PRG3: variants seen among roughly 807,000 people sequenced by gnomAD.
PRG3 encodes proteoglycan 3.
Under a neutral mutation model 26.1 loss-of-function variants are expected in PRG3, and 25 were observed. That is an observed-to-expected ratio of 0.96 (90% confidence interval 0.70 to 1.34). PRG3 has a LOEUF of 1.34. PRG3 is among the 40% of genes most tolerant of loss of function. The probability of loss-of-function intolerance (pLI) is 0.00; values close to 1 mark genes in which losing one functional copy is unlikely to be tolerated. For synonymous variants in PRG3, 111 were observed against 100.4 expected, an observed-to-expected ratio of 1.11 and a Z score of -0.63; for missense variants, 280 against 264.8, an observed-to-expected ratio of 1.06 and a Z score of -0.40.
At position 57,376,852 on chromosome 11, in the gene PRG3, A is replaced by T. The variant is rs1856950032; in HGVS notation, c.676T>A (p.Ter226LysextTer?). ...GGCAGGGTCTCCGTGCCGCTGGCTT[A>T]GAAGGAGCAGACGAAGGGCAGTTGC... The part of the protein sequence containing the change: ...DKQLPFVCSF[*>K] The change falls in exon 6 of 6, where the codon TAA (stop) becomes AAA (lysine). Residue 226 changes from the stop codon to lysine (K), a stop_lost. Transcript: ENST00000287143. The T allele has an allele frequency of 1.9e-6, 3 of 1,612,518 alleles. No homozygotes were observed. In the South Asian group the frequency reaches 3.3e-5, roughly 18 times the overall value.
intron 2 of PRG3, among the ~76,000 whole-genome samples, chr11:57,380,402 A>G (rs1227153596): frequency 9.5e-6 from 1 of 105,460 alleles, no homozygotes; most frequent in Non-Finnish European, 1.9e-5. Flanking sequence ...TCCGTCTCAA[A>G]ACAAAACAAA....
In PRG3 at chr11:57,379,621, G is replaced by A. The variant is rs1326228019; in HGVS notation, c.248C>T (p.Pro83Leu). ...CTGGAAGTCCTTGTCTAAGGCAGCT[G>A]GGTCCGACTCCATGGCTTCCTCATC... is the stretch of plus-strand genomic sequence containing the variant. ...FEDEEAMESDPAALDKDFQCP... is the reference protein window; with the variant it reads ...FEDEEAMESDLAALDKDFQCP... The change falls in exon 3 of 6, where the codon CCA becomes CTA. Residue 83 changes from proline (P) to leucine (L), a missense_variant. Transcript: ENST00000287143. 6.2e-7 allele frequency: 1 copy of A among 1,613,966 alleles called. No homozygotes were observed. Among genetic ancestry groups the A allele is most frequent in the South Asian group, 1.1e-5 (1 of 91,072 alleles).
chr11:57,379,830 C>T (rs779849802), intron 2 of PRG3, 23 bp from the exon 3 acceptor site: 5 of 1,583,672 alleles, frequency 3.2e-6, no homozygotes, highest in Non-Finnish European at 2.6e-6. Context: ...GGTAACCTGC[C>T]ATCAGGTCAA....
chr11:57,380,802 A>G, intron 1 of PRG3, 21 bp from the exon 2 acceptor site: 1 of 862,540 alleles, frequency 1.2e-6, no homozygotes, highest in Non-Finnish European at 1.7e-6. Flanking sequence ...GTATAGAGGG[A>G]ATATTTGTTT....
intron 2 of PRG3, among the ~76,000 whole-genome samples, chr11:57,380,127 T>C (rs921000801): frequency 1.3e-5 from 2 of 151,912 alleles, no homozygotes; most frequent in Non-Finnish European, 2.9e-5. Flanking sequence ...GTTTGCCGGG[T>C]GCGGTGGCTC....
At position 57,378,814 on chromosome 11, in the gene PRG3, T is replaced by C; in HGVS notation, c.376-2A>G. On this transcript the variant is annotated splice_acceptor_variant, in intron 3 of 5. Transcript: ENST00000287143. LOFTEE classifies it high-confidence loss of function. The stretch of plus-strand genomic sequence containing the variant: ...TCCGTAGCATCTGCTGCAGACATTC[T>C]GCAGACGGAAACAAAGTAGAGAATT... The C allele has an allele frequency of 6.2e-7, 1 of 1,613,560 alleles. No homozygotes were observed. The highest frequency in any genetic ancestry group is 8.5e-7 in the Non-Finnish European group (1 of 1,179,840).
chr11:57,378,233 T>A (rs1039009922), intron 4 of PRG3, among the ~76,000 whole-genome samples: 8 of 152,024 alleles, frequency 5.3e-5, no homozygotes, highest in Non-Finnish European at 1.0e-4. Flanking sequence ...AGAACCACCC[T>A]GAGAGAAGAA....
Position 57,378,792 on chromosome 11 carries a change from G to A in PRG3, c.396C>T (p.Tyr132=), listed in dbSNP as rs371458125. The change falls in exon 4 of 6, where the codon TAC becomes TAT. Residue 132 remains tyrosine, a synonymous_variant. Transcript: ENST00000287143. ...AEAQNVCSRC[Y]GGNLVSIHDF... ...CATGGATAGAGACAAGGTTGCCTCC[G>A]TAGCATCTGCTGCAGACATTCTGCA... The A allele has an allele frequency of 2.0e-5, 32 of 1,613,730 alleles. No individual in the cohort carries two copies. Among genetic ancestry groups the A allele is most frequent in the African/African-American group, 4.0e-5 (3 of 75,044 alleles).
At chr11:57,380,619 A>G (rs1856990480) in intron 2 of PRG3, 29 bp downstream of exon 2, 2 of 1,533,508 alleles carry the variant, frequency 1.3e-6, no homozygotes, top group African/African-American at 1.4e-5. Context: ...AAAGGGAAAG[A>G]CGCATGAGGA....
intron 4 of PRG3, 81 bp from the exon 5 acceptor site, chr11:57,377,917 C>A: frequency 8.5e-7 from 1 of 1,177,956 alleles, no homozygotes; most frequent in South Asian, 1.3e-5. Context: ...ACTTCTCTCA[C>A]TGCCTACCTG....
rs1282408574 is a variant in PRG3 at position 57,380,423 on chromosome 11, A to C, written c.61+225T>G. ...TCAAAACAAAACAAAAAACAAACAA[A>C]AAAAAAAACAAAAACAACAACAACA... On this transcript the variant is annotated intron_variant, in intron 2 of 5. Coordinates refer to ENST00000287143, the MANE Select transcript of PRG3 (RefSeq NM_006093.4). 3.1e-3 allele frequency among the ~76,000 whole-genome samples: 463 copies of C among 150,676 alleles called. 3 individuals carry two copies. Among genetic ancestry groups the C allele is most frequent in the Non-Finnish European group, 4.8e-3 (325 of 67,752 alleles).
At position 57,379,680 on chromosome 11, in the gene PRG3, C is replaced by T; in HGVS notation, c.189G>A (p.Glu63=). The change falls in exon 3 of 6, where the codon GAG becomes GAA. Residue 63 remains glutamate (E), a synonymous_variant. Transcript: ENST00000287143. ...TGTCTTGACAGGCAGAAGCCTTGACCTCCTCTCCCTCTGCCTGAATCACCT... is the reference window on the plus strand; with the variant it reads ...TGTCTTGACAGGCAGAAGCCTTGACTTCCTCTCCCTCTGCCTGAATCACCT... ...TEEVIQAEGE[E]VKASACQDNF... is the part of the protein sequence containing the mutation. The T allele has an allele frequency of 6.2e-7, 1 of 1,613,962 alleles. No homozygotes were observed. The highest frequency in any genetic ancestry group is 1.1e-5 in the South Asian group (1 of 91,078).
At position 57,379,709 on chromosome 11, in the gene PRG3, C is replaced by T. The variant is rs370215485; in HGVS notation, c.160G>A (p.Glu54Lys). ...TCTCCCTCTGCCTGAATCACCTCCTCCGTCAGAGCCAAGTCTCTCTCCTGC... is the reference window on the plus strand; with the variant it reads ...TCTCCCTCTGCCTGAATCACCTCCTTCGTCAGAGCCAAGTCTCTCTCCTGC... Reference protein sequence around the residue: ...KEQERDLALTEEVIQAEGEEV... With the variant: ...KEQERDLALTKEVIQAEGEEV... Residue 54 changes from glutamate to lysine, a missense_variant, in exon 3 of 6, where the codon GAG becomes AAG. Physicochemically the swap from Glu to Lys is moderately conservative, Grantham distance 56. Transcript: ENST00000287143. 6.2e-7 allele frequency: 1 copy of T among 1,614,020 alleles called. No individual in the cohort carries two copies. The highest frequency in any genetic ancestry group is 8.5e-7 in the Non-Finnish European group (1 of 1,180,036).
Position 57,378,593 on chromosome 11 carries a change from C to T in PRG3, c.507+88G>A. ...GCCTGCCACATTAAGGAAACCTTAGCTGCTGGCCTGAGGCTTGGCACCATC... is the reference window on the plus strand; with the variant it reads ...GCCTGCCACATTAAGGAAACCTTAGTTGCTGGCCTGAGGCTTGGCACCATC... On this transcript the variant is annotated intron_variant, in intron 4 of 5. Coordinates refer to ENST00000287143, the MANE Select transcript of PRG3 (RefSeq NM_006093.4). 4 of 1,529,226 alleles carry T rather than the reference C, an allele frequency of 2.6e-6. 1 individual carries two copies. In the South Asian group the frequency reaches 4.9e-5, roughly 19 times the overall value. The allele number at this position is 1,529,226 out of a possible 1,614,324, so 94.7% of individuals were successfully genotyped here. A position where few individuals can be genotyped will look rare whatever the true frequency, so the allele number is the denominator to read the frequency against.
At chr11:57,378,597 T>C in intron 4 of PRG3, 84 bp downstream of exon 4, 1 of 1,540,780 alleles carries the variant, frequency 6.5e-7, no homozygotes, top group Non-Finnish European at 8.9e-7. Context: ...CCTTAGCTGC[T>C]GGCCTGAGGC....
intron 3 of PRG3, 102 bp downstream of exon 3, chr11:57,379,392 T>A: frequency 8.4e-7 from 1 of 1,184,446 alleles, no homozygotes; most frequent in Non-Finnish European, 1.2e-6. Context: ...TTCTGATGCA[T>A]GCGAGGCTTT....
chr11:57,379,380 G>A, intron 3 of PRG3, 114 bp downstream of exon 3: 1 of 1,090,082 alleles, frequency 9.2e-7, no homozygotes, highest in Non-Finnish European at 1.3e-6. Flanking sequence ...AACTCCAGGT[G>A]ATTCTGATGC....
chr11:57,376,894 G>T lies in PRG3; in HGVS notation c.634C>A (p.Arg212=). 6.2e-7 allele frequency: 1 copy of T among 1,612,384 alleles called. No individual in the cohort carries two copies. The highest frequency in any genetic ancestry group is 8.5e-7 in the Non-Finnish European group (1 of 1,179,838). The change falls in exon 6 of 6, where the codon CGA becomes AGA. Residue 212 remains arginine, a synonymous_variant. Coordinates refer to ENST00000287143, the MANE Select transcript of PRG3 (RefSeq NM_006093.4). ...GGCAGTTGCTTGTCGCATTGAGCTC[G>T]TCGCCAATAACCTCCTAGCAGCACA... The part of the protein sequence containing the change: ...ALCTKGGYWR[R]AQCDKQLPFV...
At chr11:57,377,907 A>C in intron 4 of PRG3, 71 bp from the exon 5 acceptor site, 1 of 1,254,854 alleles carries the variant, frequency 8.0e-7, no homozygotes, top group Non-Finnish European at 1.1e-6. Context: ...CCCCCTGTTG[A>C]CTTCTCTCAC....
Sources: gnomAD v4.1 joint callset for allele counts (sites outside exome capture counted in the v4.1 genomes callset) on GRCh38, gnomAD v4.1.1 for gene constraint, MANE v1.5 for transcripts, NCBI Gene and HGNC (gene_info 2026-07-23, HGNC 2026-07-21) for gene names.